The following CA6 variants were observed in gnomAD, a reference collection of about 807,000 sequenced individuals.
The protein encoded by CA6 is carbonic anhydrase 6.
In CA6, 28 loss-of-function variants were observed where a neutral mutation model predicts 35.9. That is an observed-to-expected ratio of 0.78 (90% CI 0.58 to 1.07). CA6 has a LOEUF of 1.07. Among genes scored for constraint, CA6 ranks in the 50% least tolerant of loss-of-function variants. The pLI is 0.00. For synonymous variants in CA6, 148 were observed against 152.6 expected (o/e 0.97, Z 0.22); for missense variants, 377 against 382.0 (o/e 0.99, Z 0.11).
At position 8,957,164 on chromosome 1, in the gene CA6, G is replaced by C. The variant is rs533616544; in HGVS notation, c.287G>C (p.Arg96Pro). 2.9e-5 allele frequency: 47 copies of C among 1,612,950 alleles called. No individual in the cohort carries two copies. The East Asian group carries it at 1.0e-3, about 34-fold the overall frequency. Residue 96 changes from arginine to proline, a missense_variant, in exon 3 of 8, where the codon CGC (arginine) becomes CCC (proline). Coordinates refer to ENST00000377443, the MANE Select transcript of CA6 (RefSeq NM_001215.4). ...CAGATCAGCCTGCCCTCCACCATGC[G>C]CATGACAGTGGCTGACGGCACTGTA... ...TVQISLPSTMRMTVADGTVYI... is the reference protein window; with the variant it reads ...TVQISLPSTMPMTVADGTVYI...
At chr1:8,954,291 A>T (rs1639617430) in intron 2 of CA6, among the ~76,000 whole-genome samples, 1 of 151,970 alleles carries the variant, frequency 6.6e-6, no homozygotes, top group African/African-American at 2.4e-5. Context: ...CAGCCTCCCA[A>T]GTAGCTGGGT....
chr1:8,956,026 C>T (rs1000585051), intron 2 of CA6, among the ~76,000 whole-genome samples: 2 of 152,084 alleles, frequency 1.3e-5, no homozygotes, highest in Admixed American at 1.3e-4. Context: ...AGTTCGAGAC[C>T]AGCCTGGCCA....
At chr1:8,970,665 T>C (rs1472714887) in intron 6 of CA6, among the ~76,000 whole-genome samples, 1 of 151,936 alleles carries the variant, frequency 6.6e-6, no homozygotes, top group Non-Finnish European at 1.5e-5. Flanking sequence ...CACACAACCA[T>C]GATCAGCTAA....
At chr1:8,952,988 G>A (rs996613407) in intron 2 of CA6, among the ~76,000 whole-genome samples, 3 of 152,128 alleles carry the variant, frequency 2.0e-5, no homozygotes, top group Non-Finnish European at 2.9e-5. Context: ...CACATGTATC[G>A]AGCAATCATT....
intron 1 of CA6, among the ~76,000 whole-genome samples, chr1:8,948,026 T>C (rs1639414345): frequency 6.6e-6 from 1 of 152,016 alleles, no homozygotes; most frequent in Admixed American, 6.5e-5. Context: ...TTTTTATTTT[T>C]AGTAGAGATG....
chr1:8,956,493 C>G (rs1639687782), intron 2 of CA6, among the ~76,000 whole-genome samples: 7 of 151,946 alleles, frequency 4.6e-5, no homozygotes, highest in Admixed American at 4.6e-4. Flanking sequence ...AACACTGTCT[C>G]TACTAAAAAC....
chr1:8,952,544 G>A (rs1463594945), intron 2 of CA6: 4 of 152,144 alleles, frequency 2.6e-5, no homozygotes. Context: ...GAATTCTACT[G>A]AAGGGGGAAA....
chr1:8,948,782 C>T (rs1347026152), intron 1 of CA6, among the ~76,000 whole-genome samples: 1 of 152,018 alleles, frequency 6.6e-6, no homozygotes, highest in East Asian at 1.9e-4. Context: ...TCAGCCTGGC[C>T]AACATGGTGA....
Position 8,948,620 on chromosome 1 carries a change from C to T in CA6, c.80-643C>T, listed in dbSNP as rs1639433540. Among the ~76,000 whole-genome samples, 3 of 151,952 alleles carry T rather than the reference C, an allele frequency of 2.0e-5. 1 individual carries two copies. Among genetic ancestry groups the T allele is most frequent in the Admixed American group, 2.0e-4 (3 of 15,248 alleles). On this transcript the variant is annotated intron_variant, in intron 1 of 7. Coordinates refer to ENST00000377443, the MANE Select transcript of CA6 (RefSeq NM_001215.4). Reference sequence around the variant, plus strand: ...GCACAGGAAGAGCAAAGCCAAGGATCCCTCCATGCATTCACCAGCTGGAAA... The same window carrying T: ...GCACAGGAAGAGCAAAGCCAAGGATTCCTCCATGCATTCACCAGCTGGAAA...
At chr1:8,956,093 T>G (rs796330068) in intron 2 of CA6, among the ~76,000 whole-genome samples, 8 of 151,578 alleles carry the variant, frequency 5.3e-5, no homozygotes, top group South Asian at 2.1e-4. Flanking sequence ...CATGGTGGCA[T>G]ATGCCTGTAA....
At chr1:8,948,553 A>G (rs1373837334) in intron 1 of CA6, among the ~76,000 whole-genome samples, 2 of 152,004 alleles carry the variant, frequency 1.3e-5, no homozygotes, top group Admixed American at 1.3e-4. Context: ...TGGAAGGACA[A>G]CTGGGCCCTT....
intron 1 of CA6, 35 bp downstream of exon 1, chr1:8,946,000 C>G: frequency 7.5e-7 from 1 of 1,327,098 alleles, no homozygotes; most frequent in Non-Finnish European, 1.1e-6. Flanking sequence ...CCCCCAGTTA[C>G]CCTCACACCC....
chr1:8,973,748 C>A (rs1557635577), intron 7 of CA6, among the ~76,000 whole-genome samples: 1 of 20,252 alleles, frequency 4.9e-5, no homozygotes. Context: ...TTCTTTCTTT[C>A]TTTCTTTCTT....
intron 4 of CA6, among the ~76,000 whole-genome samples, chr1:8,961,862 G>A (rs929672366): frequency 5.3e-5 from 8 of 152,160 alleles, no homozygotes; most frequent in Admixed American, 2.6e-4. Flanking sequence ...GCTCTCTGTC[G>A]GAAGTCCTGA....
In CA6 at chr1:8,957,234, G is replaced by T. The variant is rs371690001; in HGVS notation, c.357G>T (p.Ser119=). The change falls in exon 3 of 8, where the codon TCG becomes TCT. Residue 119 remains serine, a synonymous_variant. Coordinates refer to ENST00000377443, the MANE Select transcript of CA6 (RefSeq NM_001215.4). ...ACTTTCACTGGGGAGGTGCGTCCTCGGAGATCAGCGGCTCTGAGCACACCG... is the reference window on the plus strand; with the variant it reads ...ACTTTCACTGGGGAGGTGCGTCCTCTGAGATCAGCGGCTCTGAGCACACCG... ...QMHFHWGGAS[S]EISGSEHTVD... 6.2e-6 allele frequency: 10 copies of T among 1,613,978 alleles called. No homozygotes were observed. Among genetic ancestry groups the T allele is most frequent in the African/African-American group, 1.3e-5 (1 of 74,912 alleles).
At chr1:8,959,100 T>G (rs1218600149) in intron 4 of CA6, 98 bp downstream of exon 4, 2 of 718,090 alleles carry the variant, frequency 2.8e-6, no homozygotes, top group African/African-American at 3.6e-5. Flanking sequence ...TTATTATCAC[T>G]CTTCATCTTT....
chr1:8,974,785 C>G lies in CA6; in HGVS notation c.*81C>G. The G allele has an allele frequency of 2.7e-6, 2 of 745,474 alleles. No individual in the cohort carries two copies. Among genetic ancestry groups the G allele is most frequent in the Middle Eastern group, 2.4e-4 (1 of 4,218 alleles). The allele number at this position is 745,474 out of a possible 1,614,324, so 46.2% of individuals were successfully genotyped here. A position where few individuals can be genotyped will look rare whatever the true frequency, so the allele number is the denominator to read the frequency against. On this transcript the variant is annotated 3_prime_UTR_variant, in exon 8 of 8. Coordinates refer to ENST00000377443, the MANE Select transcript of CA6 (RefSeq NM_001215.4). ...AGTGCCTGTCCGCTGCAGCCGCACCCTACCTTGTCTAAGAAACCATGTGTG... is the reference window on the plus strand; with the variant it reads ...AGTGCCTGTCCGCTGCAGCCGCACCGTACCTTGTCTAAGAAACCATGTGTG...
At chr1:8,973,709 T>TCC in intron 7 of CA6, among the ~76,000 whole-genome samples, 1 of 110,358 alleles carries the variant, frequency 9.1e-6, no homozygotes, top group Admixed American at 1.0e-4. Flanking sequence ...TTTCTTTCTC[T>TCC]CTCTTTCTTT....
chr1:8,960,192 C>G (rs1199598501), intron 4 of CA6, among the ~76,000 whole-genome samples: 3 of 150,704 alleles, frequency 2.0e-5, no homozygotes, highest in African/African-American at 4.9e-5. Context: ...GATAATGCCA[C>G]TACACTCCAG....
Sources: allele counts gnomAD v4.1 joint callset (sites outside exome capture counted in the v4.1 genomes callset), GRCh38; gene constraint gnomAD v4.1.1; transcripts MANE v1.5; gene names NCBI Gene and HGNC (gene_info 2026-07-23, HGNC 2026-07-21).